PRKCQ: variants seen among roughly 807,000 people sequenced by gnomAD.
The protein encoded by PRKCQ is protein kinase C theta, also known as protein kinase C theta type.
A neutral mutation model predicts 91.2 loss-of-function variants in PRKCQ; 41 were observed. The ratio of observed to expected loss-of-function variants is 0.45; its 90% CI spans 0.35 to 0.58. PRKCQ has a LOEUF of 0.58. Ranked by LOEUF, PRKCQ falls within the 20% of genes least tolerant of loss-of-function variation. The pLI is 0.00. For missense variants in PRKCQ, 673 were observed against 896.5 expected, an observed-to-expected ratio of 0.75 and a Z score of 3.18; for synonymous variants, 307 against 316.9, an observed-to-expected ratio of 0.97 and a Z score of 0.33.
chr10:6,532,564 C>A (rs1256355217), intron 1 of PRKCQ, among the ~76,000 whole-genome samples: 1 of 152,114 alleles, frequency 6.6e-6, no homozygotes, highest in Non-Finnish European at 1.5e-5. Flanking sequence ...ACAGTCATCC[C>A]ACCCCGACTG....
chr10:6,577,861 G>C (rs901368067), intron 1 of PRKCQ, among the ~76,000 whole-genome samples: 1 of 152,212 alleles, frequency 6.6e-6, no homozygotes, highest in East Asian at 1.9e-4. Context: ...AAGGAGATTT[G>C]TCTGTGTAGG....
intron 15 of PRKCQ, among the ~76,000 whole-genome samples, chr10:6,445,394 T>TA (rs1834227378): frequency 6.6e-6 from 1 of 152,178 alleles, no homozygotes; most frequent in South Asian, 2.1e-4. Flanking sequence ...TCTGGCCATG[T>TA]AAAACGTCAC....
At chr10:6,482,371 G>A (rs1237526673) in intron 11 of PRKCQ, among the ~76,000 whole-genome samples, 1 of 152,188 alleles carries the variant, frequency 6.6e-6, no homozygotes, top group Admixed American at 6.5e-5. Flanking sequence ...TGAGACAGGA[G>A]GATCACTTGG....
At chr10:6,442,371 T>C (rs1270423021) in intron 15 of PRKCQ, among the ~76,000 whole-genome samples, 1 of 152,202 alleles carries the variant, frequency 6.6e-6, no homozygotes, top group Non-Finnish European at 1.5e-5. Flanking sequence ...TTCCCATCAG[T>C]GACATGGGAA....
rs114404927 is a variant in PRKCQ, at chr10:6,579,477, G to A, written c.-10+734C>T. Among the ~76,000 whole-genome samples, 958 of 152,098 alleles carry A rather than the reference G, an allele frequency of 6.3e-3. 15 individuals carry two copies. Among genetic ancestry groups the A allele is most frequent in the African/African-American group, 0.022 (914 of 41,488 alleles). On this transcript the variant is annotated intron_variant, in intron 1 of 17. Transcript: ENST00000263125. ...GTGGACCTCTCTTCATGCCCACGGG[G>A]GAGTGCACACGCCTGTAGCATTCAA... is the stretch of plus-strand genomic sequence containing the variant.
chr10:6,429,082 A>G (rs970074307), intron 17 of PRKCQ, among the ~76,000 whole-genome samples: 3 of 152,202 alleles, frequency 2.0e-5, no homozygotes, highest in Non-Finnish European at 2.9e-5. Context: ...AGTGCTATGA[A>G]CACAGAGAAG....
chr10:6,500,507 T>C (rs1298178986), intron 4 of PRKCQ, among the ~76,000 whole-genome samples: 4 of 151,632 alleles, frequency 2.6e-5, no homozygotes, highest in Admixed American at 6.6e-5. Flanking sequence ...CATTAGACTA[T>C]AGTACTATAA....
Position 6,483,526 on chromosome 10 carries a change from T to G in PRKCQ, c.1093A>C (p.Asn365His), listed in dbSNP as rs1171023942. 2 of 1,614,236 alleles carry G rather than the reference T, an allele frequency of 1.2e-6. No homozygotes were observed. The highest frequency in any genetic ancestry group is 1.7e-6 in the Non-Finnish European group (2 of 1,180,034). ...ATCTGCAGAGATGGTCTTTCTTTGT[T>G]CAGTTCAGGTTCTGGAAGATGGCAC... ...KMCHLPEPEL[N>H]KERPSLQIKL... Residue 365 changes from asparagine to histidine, a missense_variant, in exon 11 of 18, where the codon AAC becomes CAC. Physicochemically the swap from Asn to His is moderately conservative, Grantham distance 68 (BLOSUM62 1). Coordinates refer to ENST00000263125, the MANE Select transcript of PRKCQ (RefSeq NM_006257.5).
At position 6,427,187 on chromosome 10, in the gene PRKCQ, T is replaced by A. The variant is rs1050422361; in HGVS notation, c.*1020A>T. The A allele has an allele frequency of 6.6e-6, 1 of 152,152 alleles. No individual in the cohort carries two copies. Among genetic ancestry groups the A allele is most frequent in the Non-Finnish European group, 1.5e-5 (1 of 68,034 alleles). The allele number at this position is 152,152 out of a possible 1,614,324, so 9.4% of individuals were successfully genotyped here. A position where few individuals can be genotyped will look rare whatever the true frequency, so the allele number is the denominator to read the frequency against. ...TTCCATTTTTACACATCCACCTGTT[T>A]GCCATGAAGTCACAACATTTTATCA... is the stretch of plus-strand genomic sequence containing the variant. On this transcript the variant is annotated 3_prime_UTR_variant, in exon 18 of 18. Coordinates refer to ENST00000263125, the MANE Select transcript of PRKCQ (RefSeq NM_006257.5).
intron 7 of PRKCQ, among the ~76,000 whole-genome samples, chr10:6,495,368 C>G (rs1042331379): frequency 1.3e-5 from 2 of 152,212 alleles, no homozygotes; most frequent in Non-Finnish European, 2.9e-5. Flanking sequence ...GGTCCCATTT[C>G]AGTTCCTGGA....
intron 15 of PRKCQ, among the ~76,000 whole-genome samples, chr10:6,455,709 C>A (rs115968905): frequency 2.6e-3 from 394 of 152,298 alleles, no homozygotes; most frequent in African/African-American, 9.0e-3. Context: ...GAGAAGATGG[C>A]ATAGCACCAT....
rs138605815 is a variant in PRKCQ, at chr10:6,536,558, C to T, written c.-9-21414G>A. Among the ~76,000 whole-genome samples, 209 of 152,280 alleles carry T rather than the reference C, an allele frequency of 1.4e-3. 1 individual carries two copies. Among genetic ancestry groups the T allele is most frequent in the African/African-American group, 4.9e-3 (204 of 41,550 alleles). ...AAAAAATTATTCTAATAGTAAAATA[C>T]GATTTTATTATTATGCTCTAAAAAT... On this transcript the variant is annotated intron_variant, in intron 1 of 17. Coordinates refer to ENST00000263125, the MANE Select transcript of PRKCQ (RefSeq NM_006257.5).
chr10:6,565,387 T>TTGC (rs1306386492), intron 1 of PRKCQ, among the ~76,000 whole-genome samples: 1 of 152,242 alleles, frequency 6.6e-6, no homozygotes, highest in Non-Finnish European at 1.5e-5. Flanking sequence ...AGGGGTTTGC[T>TTGC]TGCTGGTTTT....
intron 1 of PRKCQ, among the ~76,000 whole-genome samples, chr10:6,528,343 C>A (rs958878349): frequency 1.3e-5 from 2 of 152,104 alleles, no homozygotes; most frequent in African/African-American, 2.4e-5. Context: ...GTTGCAGGAT[C>A]TGCTGATCTG....
chr10:6,498,455 C>T lies in PRKCQ; in HGVS notation c.483G>A (p.Glu161=). The T allele has an allele frequency of 6.2e-7, 1 of 1,614,198 alleles. No homozygotes were observed. The highest frequency in any genetic ancestry group is 2.2e-5 in the East Asian group (1 of 44,888). Residue 161 remains glutamate, a synonymous_variant, in exon 5 of 18, where the codon GAG becomes GAA. Coordinates refer to ENST00000263125, the MANE Select transcript of PRKCQ (RefSeq NM_006257.5). ...GCTGTGGGAAGAAGGTGGCAGTGAA[C>T]TCGTGGCACTTGACGTGGTGGACCT... ...QAKVHHVKCH[E]FTATFFPQPT...
chr10:6,459,735 A>T lies in PRKCQ; in HGVS notation c.1508+2568T>A, dbSNP rs375505757. 3.0e-4 allele frequency among the ~76,000 whole-genome samples: 45 copies of T among 152,322 alleles called. No individual in the cohort carries two copies. The East Asian group carries it at 6.6e-3, about 22-fold the overall frequency. On this transcript the variant is annotated intron_variant, in intron 14 of 17. Coordinates refer to ENST00000263125, the MANE Select transcript of PRKCQ (RefSeq NM_006257.5). ...TGGGTGATGCAGCCACAAGCCAAGGAATGCCTGCAGCCACCAGAGGCTGGT... is the reference window on the plus strand; with the variant it reads ...TGGGTGATGCAGCCACAAGCCAAGGTATGCCTGCAGCCACCAGAGGCTGGT...
intron 1 of PRKCQ, among the ~76,000 whole-genome samples, chr10:6,534,208 T>C (rs1839492860): frequency 6.6e-6 from 1 of 152,202 alleles, no homozygotes; most frequent in Non-Finnish European, 1.5e-5. Flanking sequence ...TCCATTTTAC[T>C]AGAAATAAAA....
chr10:6,464,878 C>A (rs1835560138), intron 12 of PRKCQ, among the ~76,000 whole-genome samples: 1 of 152,124 alleles, frequency 6.6e-6, no homozygotes, highest in South Asian at 2.1e-4. Flanking sequence ...ATCATTTAAA[C>A]AATCTATGTT....
chr10:6,501,850 T>A (rs1401551939), intron 4 of PRKCQ, among the ~76,000 whole-genome samples: 4 of 151,198 alleles, frequency 2.6e-5, no homozygotes, highest in Non-Finnish European at 4.4e-5. Context: ...CATAAAAAAA[T>A]TAAATAAAAA....
Sources: allele counts gnomAD v4.1 joint callset (sites outside exome capture counted in the v4.1 genomes callset), GRCh38; gene constraint gnomAD v4.1.1; transcripts MANE v1.5; gene names NCBI Gene and HGNC (gene_info 2026-07-23, HGNC 2026-07-21).